Variants in BACE2 observed in about 807,000 individuals in gnomAD.
BACE2 encodes beta-secretase 2.
In BACE2, 17 loss-of-function variants were observed where a neutral mutation model predicts 46.2. The ratio of observed to expected loss-of-function variants is 0.37; its 90% CI spans 0.25 to 0.55. The LOEUF is 0.55. BACE2 is among the 20% of genes least tolerant of loss of function. The probability of loss-of-function intolerance (pLI) is 0.82; values close to 1 mark genes in which losing one functional copy is unlikely to be tolerated. For missense variants in BACE2, 595 were observed against 698.1 expected (o/e 0.85, Z 1.66); for synonymous variants, 277 against 295.9 (o/e 0.94, Z 0.66).
rs115874936 is a variant in BACE2, at chr21:41,202,528, C to T, written c.313-23738C>T. On this transcript the variant is annotated intron_variant, in intron 1 of 8. Coordinates refer to ENST00000330333, the MANE Select transcript of BACE2 (RefSeq NM_012105.5). Reference sequence around the variant, plus strand: ...ACTGGACGTTTCCTGGGGACAGGCACCAAGTCCCTTTCACTAGCTGTTTAT... The same window carrying T: ...ACTGGACGTTTCCTGGGGACAGGCATCAAGTCCCTTTCACTAGCTGTTTAT... Among the ~76,000 whole-genome samples, 260 of 152,326 alleles carry T rather than the reference C, an allele frequency of 1.7e-3. 1 individual carries two copies. The highest frequency in any genetic ancestry group is 5.9e-3 in the African/African-American group (245 of 41,574).
At chr21:41,187,170 A>G (rs1029056758) in intron 1 of BACE2, among the ~76,000 whole-genome samples, 1 of 152,148 alleles carries the variant, frequency 6.6e-6, no homozygotes, top group Admixed American at 6.5e-5. Flanking sequence ...GAACTCTGAG[A>G]GGTGACATCA....
chr21:41,272,162 C>T (rs1362105141), intron 8 of BACE2, among the ~76,000 whole-genome samples: 1 of 152,034 alleles, frequency 6.6e-6, no homozygotes, highest in Non-Finnish European at 1.5e-5. Context: ...GTTTGCATTG[C>T]TTCCAACATG....
rs978546031 is a variant in BACE2, at chr21:41,168,473, C to T, written c.210C>T (p.Ser70=). The change falls in exon 1 of 9, where the codon TCC becomes TCT. Residue 70 remains serine (S), a synonymous_variant. Transcript: ENST00000330333. ...LALALEPALA[S]PAGAANFLAM... ...TCGCCCTGGAGCCTGCCCTGGCGTC[C>T]CCCGCGGGCGCCGCCAACTTCTTGG... is the stretch of plus-strand genomic sequence containing the variant. 18 of 1,388,608 alleles carry T rather than the reference C, an allele frequency of 1.3e-5. No individual in the cohort carries two copies. Among genetic ancestry groups the T allele is most frequent in the Admixed American group, 6.4e-5 (2 of 31,340 alleles). The allele number at this position is 1,388,608 out of a possible 1,614,324, so 86.0% of individuals were successfully genotyped here.
intron 1 of BACE2, among the ~76,000 whole-genome samples, chr21:41,204,368 G>A (rs1353942074): frequency 2.0e-5 from 3 of 152,108 alleles, no homozygotes; most frequent in Admixed American, 6.6e-5. Context: ...TTCTCAAGAT[G>A]GGAGATATGA....
chr21:41,209,751 AC>A, intron 1 of BACE2, among the ~76,000 whole-genome samples: 1 of 152,248 alleles, frequency 6.6e-6, no homozygotes, highest in Middle Eastern at 3.4e-3. Flanking sequence ...GGTCCAGCAC[AC>A]CCTGAAGTCA....
intron 7 of BACE2, 31 bp from the exon 8 acceptor site, chr21:41,257,127 G>C: frequency 1.2e-6 from 2 of 1,612,986 alleles, no homozygotes; most frequent in Non-Finnish European, 1.7e-6. Context: ...GCTTTTTCTT[G>C]TTTGTTTGCT....
At chr21:41,170,735 A>C (rs1238744370) in intron 1 of BACE2, among the ~76,000 whole-genome samples, 1 of 152,230 alleles carries the variant, frequency 6.6e-6, no homozygotes, top group Admixed American at 6.5e-5. Context: ...GCCTAAAATA[A>C]AAATTGCTTA....
At chr21:41,184,267 C>A (rs1985274692) in intron 1 of BACE2, 1 of 167,056 alleles carries the variant, frequency 6.0e-6, no homozygotes, top group Non-Finnish European at 1.5e-5. Flanking sequence ...GGATTTTCAT[C>A]TTTTCCCCGA....
intron 6 of BACE2, among the ~76,000 whole-genome samples, chr21:41,248,191 A>G (rs948896614): frequency 9.2e-5 from 14 of 152,044 alleles, no homozygotes; most frequent in Non-Finnish European, 1.8e-4. Flanking sequence ...GCGCCTCTCT[A>G]CGGAGGAAAT....
chr21:41,207,872 C>T (rs1453460653), intron 1 of BACE2, among the ~76,000 whole-genome samples: 2 of 152,168 alleles, frequency 1.3e-5, no homozygotes, highest in African/African-American at 2.4e-5. Flanking sequence ...CTGAAGGCAA[C>T]GCAGTCATAT....
At chr21:41,257,736 G>A (rs1243335114) in intron 8 of BACE2, among the ~76,000 whole-genome samples, 1 of 152,114 alleles carries the variant, frequency 6.6e-6, no homozygotes, top group Non-Finnish European at 1.5e-5. Context: ...ACCTATCGTT[G>A]CGATTTCTTG....
rs771649004 is a variant in BACE2, at chr21:41,268,911, G to A, written c.1304-6460G>A. 2.0e-5 allele frequency among the ~76,000 whole-genome samples: 3 copies of A among 152,088 alleles called. No individual in the cohort carries two copies. In the East Asian group the frequency reaches 5.8e-4, roughly 29 times the overall value. On this transcript the variant is annotated intron_variant, in intron 8 of 8. Coordinates refer to ENST00000330333, the MANE Select transcript of BACE2 (RefSeq NM_012105.5). ...CTAAATCAATGTCCATGTAGTCAGC[G>A]TGACTGAGGTTGGTTTGTTTTTTCT...
chr21:41,208,530 A>T (rs1278964521), intron 1 of BACE2, among the ~76,000 whole-genome samples: 1 of 152,074 alleles, frequency 6.6e-6, no homozygotes, highest in Non-Finnish European at 1.5e-5. Flanking sequence ...TTGTTCGGAG[A>T]TGATAAGGAG....
chr21:41,232,760 A>C (rs1450602688), intron 2 of BACE2, among the ~76,000 whole-genome samples: 2 of 152,202 alleles, frequency 1.3e-5, no homozygotes, highest in Non-Finnish European at 2.9e-5. Flanking sequence ...AACATGCTTC[A>C]TGCACAGCCT....
At chr21:41,259,751 C>T (rs752610768) in intron 8 of BACE2, among the ~76,000 whole-genome samples, 3 of 151,738 alleles carry the variant, frequency 2.0e-5, no homozygotes, top group Non-Finnish European at 2.9e-5. Flanking sequence ...TATGTAACAA[C>T]TTACCCCCAA....
chr21:41,260,180 C>T (rs1367558050), intron 8 of BACE2, among the ~76,000 whole-genome samples: 1 of 152,086 alleles, frequency 6.6e-6, no homozygotes, highest in Non-Finnish European at 1.5e-5. Context: ...GGGTCTCACT[C>T]TCTTACCAGG....
chr21:41,186,310 A>G (rs1039319473), intron 1 of BACE2: 2 of 152,266 alleles, frequency 1.3e-5, no homozygotes, highest in African/African-American at 2.4e-5. Flanking sequence ...CAGCTGTACT[A>G]TGGACACTTG....
intron 1 of BACE2, among the ~76,000 whole-genome samples, chr21:41,172,856 A>T (rs1984653098): frequency 6.6e-6 from 1 of 152,236 alleles, no homozygotes; most frequent in African/African-American, 2.4e-5. Context: ...GAGTTCAAAA[A>T]GCAAGGCGAC....
chr21:41,269,805 C>T (rs1378882689), intron 8 of BACE2, among the ~76,000 whole-genome samples: 1 of 152,200 alleles, frequency 6.6e-6, no homozygotes, highest in East Asian at 1.9e-4. Flanking sequence ...TCAACAATAG[C>T]ATGCAAGTCC....
Sources: gnomAD v4.1 joint callset for allele counts (sites outside exome capture counted in the v4.1 genomes callset) on GRCh38, gnomAD v4.1.1 for gene constraint, MANE v1.5 for transcripts, NCBI Gene and HGNC (gene_info 2026-07-23, HGNC 2026-07-21) for gene names.